The following VDAC1 variants were observed in gnomAD, a reference collection of about 807,000 sequenced individuals.
VDAC1 encodes non-selective voltage-gated ion channel VDAC1.
Under a neutral mutation model 34.7 loss-of-function variants are expected in VDAC1, and 10 were observed. That is an observed-to-expected ratio of 0.29 (90% CI 0.18 to 0.49). VDAC1 has a LOEUF of 0.49. Ranked by LOEUF, VDAC1 falls within the 20% of genes least tolerant of loss-of-function variation. The probability of loss-of-function intolerance (pLI) is 0.99; values close to 1 mark genes in which losing one functional copy is unlikely to be tolerated. For synonymous variants in VDAC1, 130 were observed against 136.0 expected (o/e 0.96, Z 0.30); for missense variants, 230 against 347.9 (o/e 0.66, Z 2.69).
At chr5:133,999,336 T>G (rs1753450104) in intron 1 of VDAC1, among the ~76,000 whole-genome samples, 1 of 152,098 alleles carries the variant, frequency 6.6e-6, no homozygotes, top group African/African-American at 2.4e-5. Flanking sequence ...TTACAAGGAA[T>G]GAGTGAAACA....
chr5:133,973,907 C>T (rs1752386582), intron 7 of VDAC1, 59 bp from the exon 8 acceptor site: 1 of 1,537,004 alleles, frequency 6.5e-7, no homozygotes, highest in African/African-American at 1.4e-5. Context: ...GCACTTCCAT[C>T]TCCAAAATTA....
At chr5:134,094,695 CAAAAAAAAAAA>C in the VDAC1 span, among the ~76,000 whole-genome samples, 2 of 68,504 alleles carry the variant, frequency 2.9e-5, no homozygotes, top group South Asian at 1.2e-3. Flanking sequence ...GACTCCGTCT[CAAAAAAAAAAA>C]AAAAAAAAAA....
At chr5:134,089,809 G>A in the VDAC1 span, among the ~76,000 whole-genome samples, 2 of 152,174 alleles carry the variant, frequency 1.3e-5, no homozygotes, top group Non-Finnish European at 2.9e-5. Context: ...GGCCAACATG[G>A]TGAAACCCCG....
intron 5 of VDAC1, among the ~76,000 whole-genome samples, chr5:133,983,357 A>C (rs1752773420): frequency 6.6e-6 from 1 of 152,172 alleles, no homozygotes; most frequent in African/African-American, 2.4e-5. Flanking sequence ...ATACATAATA[A>C]AATATTTACA....
the VDAC1 span, among the ~76,000 whole-genome samples, chr5:134,059,286 TAC>T: frequency 1.3e-5 from 2 of 152,140 alleles, no homozygotes; most frequent in Non-Finnish European, 1.5e-5. Context: ...AGAGCCAAGG[TAC>T]AGTTTCAGTG....
At chr5:134,036,406 C>A in the VDAC1 span, among the ~76,000 whole-genome samples, 1 of 152,142 alleles carries the variant, frequency 6.6e-6, no homozygotes, top group Non-Finnish European at 1.5e-5. Flanking sequence ...GGCCAACACT[C>A]TTCATAAGTG....
intron 5 of VDAC1, among the ~76,000 whole-genome samples, chr5:133,985,837 T>C (rs1396142106): frequency 6.6e-6 from 1 of 152,216 alleles, no homozygotes; most frequent in African/African-American, 2.4e-5. Flanking sequence ...CCATCTCCTT[T>C]TTCAATTTTT....
the VDAC1 span, among the ~76,000 whole-genome samples, chr5:134,032,890 A>T: frequency 6.6e-6 from 1 of 152,104 alleles, no homozygotes; most frequent in Admixed American, 6.6e-5. Flanking sequence ...AAATAATGCC[A>T]GGTGCAGTGG....
chr5:133,996,160 T>C (rs1447337402), intron 1 of VDAC1, among the ~76,000 whole-genome samples: 1 of 152,198 alleles, frequency 6.6e-6, no homozygotes, highest in Non-Finnish European at 1.5e-5. Flanking sequence ...GCCTGAGTGA[T>C]GGCTTCAGGG....
intron 1 of VDAC1, among the ~76,000 whole-genome samples, chr5:134,000,243 C>T (rs1753492058): frequency 1.3e-5 from 2 of 152,198 alleles, no homozygotes; most frequent in South Asian, 2.1e-4. Context: ...AGCAGGTCTG[C>T]GTACCCAATG....
the VDAC1 span, among the ~76,000 whole-genome samples, chr5:134,089,192 C>T: frequency 1.1e-4 from 17 of 152,324 alleles, no homozygotes; most frequent in African/African-American, 2.9e-4. Flanking sequence ...TGCTCCCAAC[C>T]GTCTCTGCAA....
chr5:134,033,852 A>T, the VDAC1 span, among the ~76,000 whole-genome samples: 51 of 151,248 alleles, frequency 3.4e-4, no homozygotes, highest in Admixed American at 2.6e-4. Flanking sequence ...ATTAGCCGGG[A>T]GTGGTGGCAG....
chr5:134,000,551 G>C (rs1753507893), intron 1 of VDAC1, among the ~76,000 whole-genome samples: 1 of 152,154 alleles, frequency 6.6e-6, no homozygotes, highest in Non-Finnish European at 1.5e-5. Flanking sequence ...TGCTTGGCTT[G>C]ACCAGGTAGG....
the VDAC1 span, among the ~76,000 whole-genome samples, chr5:134,111,176 G>C: frequency 1.3e-5 from 2 of 152,164 alleles, no homozygotes; most frequent in South Asian, 4.1e-4. Context: ...CAGCTAGTAA[G>C]TGGCACGGCA....
At chr5:134,036,045 T>G in the VDAC1 span, among the ~76,000 whole-genome samples, 1 of 149,180 alleles carries the variant, frequency 6.7e-6, no homozygotes, top group Non-Finnish European at 1.5e-5. Context: ...TGCCAAACAG[T>G]ACAGGAATTG....
chr5:134,084,981 T>G, the VDAC1 span, among the ~76,000 whole-genome samples: 25 of 152,158 alleles, frequency 1.6e-4, no homozygotes, highest in African/African-American at 6.0e-4. Context: ...AGCTCTCACC[T>G]CTCTACCTCA....
the VDAC1 span, among the ~76,000 whole-genome samples, chr5:134,038,228 G>C: frequency 6.6e-6 from 1 of 152,186 alleles, no homozygotes; most frequent in Non-Finnish European, 1.5e-5. Context: ...AGGGTGATTA[G>C]GAAAGGCCTC....
the VDAC1 span, among the ~76,000 whole-genome samples, chr5:134,107,904 G>A: frequency 1.3e-5 from 2 of 152,196 alleles, no homozygotes. Flanking sequence ...CCAAGGTCCC[G>A]CTCACACTGA....
chr5:134,053,426 A>T, the VDAC1 span, among the ~76,000 whole-genome samples: 1 of 152,192 alleles, frequency 6.6e-6, no homozygotes, highest in Non-Finnish European at 1.5e-5. Flanking sequence ...CAATGGACCC[A>T]TTGCCCAACC....
Sources: gnomAD v4.1 joint callset for allele counts (sites outside exome capture counted in the v4.1 genomes callset) on GRCh38, gnomAD v4.1.1 for gene constraint, MANE v1.5 for transcripts, NCBI Gene and HGNC (gene_info 2026-07-23, HGNC 2026-07-21) for gene names.